GPC6: variants seen among roughly 807,000 people sequenced by gnomAD.
GPC6 encodes the protein glypican 6, also known as glypican-6.
In GPC6, 14 loss-of-function variants were observed where a neutral mutation model predicts 55.2. The observed-to-expected ratio is 0.25, with a 90% CI of 0.17 to 0.40. The LOEUF is 0.40. GPC6 is among the 10% of genes least tolerant of loss of function. The probability of loss-of-function intolerance (pLI) is 1.00; values close to 1 mark genes in which losing one functional copy is unlikely to be tolerated. For synonymous variants in GPC6, 278 were observed against 259.6 expected (o/e 1.07, Z -0.68); for missense variants, 641 against 708.5 (o/e 0.90, Z 1.08).
At chr13:94,231,297 G>A (rs1488434280) in intron 4 of GPC6, among the ~76,000 whole-genome samples, 1 of 152,112 alleles carries the variant, frequency 6.6e-6, no homozygotes, top group East Asian at 1.9e-4. Flanking sequence ...TGAAGCCAAG[G>A]AGAATCCAAC....
At chr13:93,932,831 G>A (rs1353015310) in intron 3 of GPC6, among the ~76,000 whole-genome samples, 2 of 152,110 alleles carry the variant, frequency 1.3e-5, no homozygotes, top group Non-Finnish European at 2.9e-5. Context: ...TAGGGCCACT[G>A]TAACAAATGA....
chr13:93,904,882 C>G (rs1206641129), intron 3 of GPC6, among the ~76,000 whole-genome samples: 2 of 151,640 alleles, frequency 1.3e-5, no homozygotes, highest in African/African-American at 4.8e-5. Flanking sequence ...CCCACTAACT[C>G]GTCATCTAGC....
chr13:93,309,961 A>G (rs1328404085), intron 1 of GPC6, among the ~76,000 whole-genome samples: 1 of 152,216 alleles, frequency 6.6e-6, no homozygotes, highest in African/African-American at 2.4e-5. Context: ...GGTCACTGCC[A>G]TCACAAAGCA....
At chr13:93,352,556 A>G (rs1190215987) in intron 1 of GPC6, among the ~76,000 whole-genome samples, 2 of 152,084 alleles carry the variant, frequency 1.3e-5, no homozygotes, top group Non-Finnish European at 2.9e-5. Context: ...ATGTCTGGGG[A>G]AAAATCATTC....
intron 1 of GPC6, among the ~76,000 whole-genome samples, chr13:93,434,868 A>G (rs1011778284): frequency 2.0e-5 from 3 of 151,886 alleles, no homozygotes. Flanking sequence ...CACCATGCCC[A>G]GTTCATGTTT....
At position 94,263,125 on chromosome 13, in the gene GPC6, C is replaced by A. The variant is rs140113549; in HGVS notation, c.878-23224C>A. 2.4e-4 allele frequency among the ~76,000 whole-genome samples: 36 copies of A among 152,308 alleles called. No homozygotes were observed. The East Asian group carries it at 5.8e-3, about 25-fold the overall frequency. On this transcript the variant is annotated intron_variant, in intron 4 of 8. Coordinates refer to ENST00000377047, the MANE Select transcript of GPC6 (RefSeq NM_005708.5). ...CATTTTACCGATTTCTAAACTAAGA[C>A]TCAGAAAGTAGCCTCATTTGTAAAC...
chr13:93,531,107 T>C (rs1176053154), intron 1 of GPC6, among the ~76,000 whole-genome samples: 1 of 152,090 alleles, frequency 6.6e-6, no homozygotes, highest in Non-Finnish European at 1.5e-5. Flanking sequence ...GCAGTCATGA[T>C]GAGTGCCATT....
intron 4 of GPC6, among the ~76,000 whole-genome samples, chr13:94,181,595 C>T (rs531616114): frequency 1.3e-5 from 2 of 152,132 alleles, no homozygotes; most frequent in Non-Finnish European, 1.5e-5. Context: ...TTATTAAGGT[C>T]CTGTAGATAC....
At chr13:94,113,095 A>G (rs533183882) in intron 4 of GPC6, among the ~76,000 whole-genome samples, 2 of 152,274 alleles carry the variant, frequency 1.3e-5, no homozygotes, top group East Asian at 1.9e-4. Flanking sequence ...ACTTTTTCTC[A>G]GGCCTTGGAA....
At chr13:93,742,450 A>G (rs1029104815) in intron 2 of GPC6, among the ~76,000 whole-genome samples, 1 of 152,180 alleles carries the variant, frequency 6.6e-6, no homozygotes, top group African/African-American at 2.4e-5. Flanking sequence ...TTTCAAGGGA[A>G]GGTTACAGGC....
rs188009584 is a variant in GPC6, at chr13:94,112,346, C to T, written c.877+84452C>T. 5.3e-5 allele frequency among the ~76,000 whole-genome samples: 8 copies of T among 152,190 alleles called. No individual in the cohort carries two copies. In the East Asian group the frequency reaches 1.2e-3, roughly 22 times the overall value. ...GTTCTTCAAATTCTTAACAATCTAC[C>T]GCCTTCCTTGTAATGTGCTAGGGTG... On this transcript the variant is annotated intron_variant, in intron 4 of 8. Transcript: ENST00000377047.
At chr13:93,310,094 T>G (rs1387636269) in intron 1 of GPC6, among the ~76,000 whole-genome samples, 1 of 152,220 alleles carries the variant, frequency 6.6e-6, no homozygotes, top group Non-Finnish European at 1.5e-5. Flanking sequence ...AATACACATT[T>G]CACACAGTCT....
chr13:94,081,953 GTC>G (rs1371904667), intron 4 of GPC6, among the ~76,000 whole-genome samples: 7 of 149,030 alleles, frequency 4.7e-5, no homozygotes, highest in African/African-American at 1.7e-4. Context: ...CAATTTTTCT[GTC>G]TCAGCCTCCC....
chr13:94,251,865 A>G (rs559451416), intron 4 of GPC6, among the ~76,000 whole-genome samples: 4 of 151,724 alleles, frequency 2.6e-5, no homozygotes, highest in South Asian at 4.1e-4. Context: ...TTTGGATGCT[A>G]TAATTTCTCA....
chr13:93,637,048 T>C (rs1879731204), intron 2 of GPC6, among the ~76,000 whole-genome samples: 1 of 152,074 alleles, frequency 6.6e-6, no homozygotes, highest in Non-Finnish European at 1.5e-5. Context: ...CTTTTCCTCC[T>C]TGTAATGTTT....
At chr13:93,500,176 G>A (rs1479512101) in intron 1 of GPC6, among the ~76,000 whole-genome samples, 2 of 152,172 alleles carry the variant, frequency 1.3e-5, no homozygotes, top group East Asian at 1.9e-4. Flanking sequence ...GTTGGCATTT[G>A]GTGTGAGCTA....
intron 6 of GPC6, among the ~76,000 whole-genome samples, chr13:94,334,071 T>A (rs574592442): frequency 6.6e-6 from 1 of 152,358 alleles, no homozygotes; most frequent in African/African-American, 2.4e-5. Context: ...GAAAGATATA[T>A]TGAAACTTGG....
At chr13:93,867,946 A>T (rs1889018763) in intron 3 of GPC6, among the ~76,000 whole-genome samples, 1 of 151,766 alleles carries the variant, frequency 6.6e-6, no homozygotes, top group African/African-American at 2.4e-5. Context: ...CAGGAGTTAC[A>T]CAGAGACGAG....
intron 1 of GPC6, among the ~76,000 whole-genome samples, chr13:93,525,705 TCAA>T (rs1881619812): frequency 6.6e-6 from 1 of 152,096 alleles, no homozygotes; most frequent in Admixed American, 6.6e-5. Flanking sequence ...TTGAGGTCAG[TCAA>T]TGGATTTTCA....
Sources: gnomAD v4.1 joint callset for allele counts (sites outside exome capture counted in the v4.1 genomes callset) on GRCh38, gnomAD v4.1.1 for gene constraint, MANE v1.5 for transcripts, NCBI Gene and HGNC (gene_info 2026-07-23, HGNC 2026-07-21) for gene names.